Variants in LINGO2 observed in about 807,000 individuals in gnomAD.
LINGO2 encodes the protein leucine-rich repeat and immunoglobulin-like domain-containing nogo receptor-interacting protein 2.
LINGO2 carries 14 observed loss-of-function variants against 30.6 expected under a neutral mutation model. That is an observed-to-expected ratio of 0.46 (90% CI 0.30 to 0.72). The LOEUF (loss-of-function observed/expected upper bound fraction) is 0.72, where lower values mean the gene tolerates loss of function less well. Among genes scored for constraint, LINGO2 ranks in the 30% least tolerant of loss-of-function variants. The pLI is 0.07. For synonymous variants in LINGO2, 317 were observed against 288.5 expected (o/e 1.10, Z -1.00); for missense variants, 729 against 751.7 (o/e 0.97, Z 0.35).
chr9:28,556,004 T>C (rs1181571002), intron 1 of LINGO2, among the ~76,000 whole-genome samples: 1 of 152,090 alleles, frequency 6.6e-6, no homozygotes, highest in Non-Finnish European at 1.5e-5. Flanking sequence ...TTCAAAATAA[T>C]ATGAGCTATC....
At chr9:28,624,033 C>A (rs1826537688) in intron 1 of LINGO2, among the ~76,000 whole-genome samples, 1 of 152,040 alleles carries the variant, frequency 6.6e-6, no homozygotes, top group African/African-American at 2.4e-5. Context: ...TTGTATCTTG[C>A]AACTTTCCTG....
intron 2 of LINGO2, among the ~76,000 whole-genome samples, chr9:28,470,626 G>C (rs1053199351): frequency 6.6e-6 from 1 of 152,010 alleles, no homozygotes; most frequent in Non-Finnish European, 1.5e-5. Context: ...CCCAACACAC[G>C]AATGGGGTAT....
rs185358773 is a variant in LINGO2, at chr9:28,416,273, T to A, written c.-278-43405A>T. Among the ~76,000 whole-genome samples, 12 of 152,294 alleles carry A rather than the reference T, an allele frequency of 7.9e-5. No homozygotes were observed. In the East Asian group the frequency reaches 2.3e-3, roughly 29 times the overall value. On this transcript the variant is annotated intron_variant, in intron 2 of 5. Transcript: ENST00000379992. ...TATACTTCATCACTATCCAGTTTAA[T>A]TAAAGATGCTAGATTAATAAGCTTG... is the stretch of plus-strand genomic sequence containing the variant.
At chr9:28,378,111 C>T (rs10123967) in intron 2 of LINGO2, among the ~76,000 whole-genome samples, 118,876 of 152,102 alleles carry the variant, frequency 0.78, 47,751 homozygotes, top group Middle Eastern at 0.9. Flanking sequence ...GCCACCACTA[C>T]ACTGCATCAA....
At chr9:28,282,074 G>A (rs758977893) in intron 4 of LINGO2, among the ~76,000 whole-genome samples, 1 of 152,134 alleles carries the variant, frequency 6.6e-6, no homozygotes, top group Admixed American at 6.6e-5. Flanking sequence ...GTAGAGGCCA[G>A]ATGCAGACTT....
At chr9:28,444,653 C>A (rs1307458564) in intron 2 of LINGO2, among the ~76,000 whole-genome samples, 1 of 152,208 alleles carries the variant, frequency 6.6e-6, no homozygotes, top group East Asian at 1.9e-4. Flanking sequence ...ACCATATTCC[C>A]CTCATCCAGA....
At chr9:28,551,561 A>G (rs1226208981) in intron 1 of LINGO2, among the ~76,000 whole-genome samples, 1 of 152,030 alleles carries the variant, frequency 6.6e-6, no homozygotes, top group African/African-American at 2.4e-5. Context: ...TTAAAAAGTT[A>G]TATAATTCAG....
Position 28,148,594 on chromosome 9 carries a change from T to C in LINGO2, c.-86-136189A>G. The stretch of plus-strand genomic sequence containing the variant: ...GAAACTTCACTTCCTCCTGGTACAA[T>C]CCCAGGCCCTTGGAGGGAAATGTCC... On this transcript the variant is annotated intron_variant, in intron 4 of 5. Transcript: ENST00000379992. This position sits in a 1 kb window ranked among gnomAD's most constrained non-coding sequence, Gnocchi z 5.1. The C allele has an allele frequency of 2.0e-6, 3 of 1,508,494 alleles. No individual in the cohort carries two copies. Among genetic ancestry groups the C allele is most frequent in the Non-Finnish European group, 2.7e-6 (3 of 1,123,116 alleles). The allele number at this position is 1,508,494 out of a possible 1,614,324, so 93.4% of individuals were successfully genotyped here.
intron 1 of LINGO2, among the ~76,000 whole-genome samples, chr9:28,488,982 A>C (rs1826280798): frequency 6.6e-6 from 1 of 152,218 alleles, no homozygotes; most frequent in African/African-American, 2.4e-5. Flanking sequence ...GTTTTGAAAT[A>C]AATTATTTTT....
At chr9:28,505,194 T>G (rs1820060520) in intron 1 of LINGO2, among the ~76,000 whole-genome samples, 1 of 152,026 alleles carries the variant, frequency 6.6e-6, no homozygotes, top group African/African-American at 2.4e-5. Flanking sequence ...TTAAGAAATA[T>G]TACTAGAAAT....
At chr9:28,294,722 T>G (rs565861974) in intron 4 of LINGO2, among the ~76,000 whole-genome samples, 1 of 152,168 alleles carries the variant, frequency 6.6e-6, no homozygotes, top group Non-Finnish European at 1.5e-5. Flanking sequence ...GTGAATAGAT[T>G]TGGAATGATA....
At chr9:28,670,228 T>G (rs534157465) in exon 1 of LINGO2, 9 of 152,190 alleles carry the variant, frequency 5.9e-5, no homozygotes, top group African/African-American at 2.2e-4. Context: ...CACTGGACAC[T>G]TTAGAAGTGC....
At chr9:28,402,244 C>G (rs1822301766) in intron 2 of LINGO2, among the ~76,000 whole-genome samples, 1 of 152,054 alleles carries the variant, frequency 6.6e-6, no homozygotes, top group Admixed American at 6.5e-5. Flanking sequence ...CATTATGAAA[C>G]AAAGAACAAA....
the LINGO2 span, among the ~76,000 whole-genome samples, chr9:28,705,528 T>C: frequency 6.6e-6 from 1 of 152,038 alleles, no homozygotes. Context: ...TCTGATAAAA[T>C]AGCTTCTCCT....
At chr9:28,226,677 AAG>A (rs1821174674) in intron 4 of LINGO2, among the ~76,000 whole-genome samples, 4 of 94,518 alleles carry the variant, frequency 4.2e-5, no homozygotes, top group South Asian at 3.0e-4. Flanking sequence ...GAAAGAAAGA[AAG>A]AAAGAAAGAA....
the LINGO2 span, among the ~76,000 whole-genome samples, chr9:29,146,375 A>C: frequency 7.2e-6 from 1 of 139,780 alleles, no homozygotes; most frequent in Non-Finnish European, 1.6e-5. Flanking sequence ...ACAAACAAAC[A>C]AAAAAAAACC....
chr9:28,406,125 T>C (rs1471102250), intron 2 of LINGO2, among the ~76,000 whole-genome samples: 1 of 152,152 alleles, frequency 6.6e-6, no homozygotes, highest in Admixed American at 6.6e-5. Context: ...AATTTGAAGT[T>C]TTGACTTACA....
At chr9:28,411,044 T>G (rs549530934) in intron 2 of LINGO2, among the ~76,000 whole-genome samples, 68 of 152,222 alleles carry the variant, frequency 4.5e-4, no homozygotes, top group Middle Eastern at 3.4e-3. Flanking sequence ...GGCTGCTAGC[T>G]GCAAAAACAA....
At chr9:28,106,022 A>G (rs1826581253) in intron 4 of LINGO2, among the ~76,000 whole-genome samples, 2 of 152,244 alleles carry the variant, frequency 1.3e-5, no homozygotes, top group Admixed American at 1.3e-4. Context: ...CTGTCAGATC[A>G]GCAGCAGCAT....
Sources: gnomAD v4.1 joint callset for allele counts (sites outside exome capture counted in the v4.1 genomes callset) on GRCh38, gnomAD v4.1.1 for gene constraint, Gnocchi (gnomAD v3.1) non-coding constraint, MANE v1.5 for transcripts, NCBI Gene and HGNC (gene_info 2026-07-23, HGNC 2026-07-21) for gene names.